The following ST7 variants were observed in gnomAD, a reference collection of about 807,000 sequenced individuals.
ST7 encodes suppression of tumorigenicity 7.
A neutral mutation model predicts 78.7 loss-of-function variants in ST7; 28 were observed. The observed-to-expected ratio is 0.36, with a 90% confidence interval of 0.26 to 0.49. The LOEUF (loss-of-function observed/expected upper bound fraction) is 0.49, where lower values mean the gene tolerates loss of function less well. ST7 is among the 20% of genes least tolerant of loss of function. ST7 has a pLI of 0.99. For missense variants in ST7, 418 were observed against 696.0 expected (o/e 0.60, Z 4.49); for synonymous variants, 247 against 249.6 (o/e 0.99, Z 0.10).
At chr7:116,999,219 C>T (rs1013759758) in intron 1 of ST7, among the ~76,000 whole-genome samples, 15 of 151,926 alleles carry the variant, frequency 9.9e-5, no homozygotes, top group Admixed American at 3.9e-4. Context: ...CTTAGGTACA[C>T]GAAATTGGAG....
At chr7:117,092,779 C>T (rs1343410524) in intron 1 of ST7, among the ~76,000 whole-genome samples, 1 of 152,176 alleles carries the variant, frequency 6.6e-6, no homozygotes, top group African/African-American at 2.4e-5. Context: ...TAGAAAAGCA[C>T]ATTTTCAGTA....
intron 3 of ST7, among the ~76,000 whole-genome samples, chr7:117,122,808 TTC>T (rs1803510304): frequency 6.6e-6 from 1 of 152,214 alleles, no homozygotes; most frequent in African/African-American, 2.4e-5. Flanking sequence ...CCATTGCTGT[TTC>T]TGTTTTTTTG....
intron 12 of ST7, among the ~76,000 whole-genome samples, chr7:117,205,207 C>CT (rs150065391): frequency 0.055 from 8,317 of 151,288 alleles, 770 homozygotes; most frequent in African/African-American, 0.19. Flanking sequence ...CTACCTATAC[C>CT]TTTTTTTGTC....
At chr7:117,154,999 T>A (rs1267454182) in intron 9 of ST7, among the ~76,000 whole-genome samples, 2 of 151,948 alleles carry the variant, frequency 1.3e-5, no homozygotes, top group African/African-American at 2.4e-5. Context: ...ACAGACAACA[T>A]CCCTACCAGC....
rs1355402565 is a variant in ST7 at position 117,190,956 on chromosome 7, A to G, written c.1254+20A>G. 10 of 1,580,642 alleles carry G rather than the reference A, an allele frequency of 6.3e-6. No homozygotes were observed. Among genetic ancestry groups the G allele is most frequent in the Admixed American group, 1.7e-5 (1 of 59,944 alleles). ...CCAAAAGTGAGTCTGTGGAATCCCCACAGGAACTCGTTATGATAGCAGAGA... is the reference window on the plus strand; with the variant it reads ...CCAAAAGTGAGTCTGTGGAATCCCCGCAGGAACTCGTTATGATAGCAGAGA... On this transcript the variant is annotated intron_variant, in intron 12 of 15. Coordinates refer to ENST00000323984, the MANE Select transcript of ST7 (RefSeq NM_001369598.1). This position sits in a 1 kb window ranked among gnomAD's most constrained non-coding sequence, Gnocchi z 5.2.
At chr7:117,036,229 T>G (rs1796890044) in intron 1 of ST7, among the ~76,000 whole-genome samples, 1 of 152,242 alleles carries the variant, frequency 6.6e-6, no homozygotes, top group African/African-American at 2.4e-5. Flanking sequence ...AACATTTCTA[T>G]TTTGTCTTTC....
intron 1 of ST7, among the ~76,000 whole-genome samples, chr7:117,009,259 T>G (rs1033776307): frequency 1.2e-4 from 2 of 17,040 alleles, no homozygotes; most frequent in African/African-American, 1.8e-4. Context: ...TTTTTTTTGT[T>G]TTTTTTTTTT....
At chr7:117,192,315 A>G (rs1809854998) in intron 12 of ST7, among the ~76,000 whole-genome samples, 1 of 152,218 alleles carries the variant, frequency 6.6e-6, no homozygotes, top group South Asian at 2.1e-4. Context: ...TTTTAGAAGT[A>G]GTATTGAGCA....
At chr7:116,985,537 G>C (rs1202846984) in intron 1 of ST7, among the ~76,000 whole-genome samples, 1 of 152,030 alleles carries the variant, frequency 6.6e-6, no homozygotes. Context: ...AGCAATTTTT[G>C]TTTTACTTTC....
Position 117,222,073 on chromosome 7 carries a change from G to T in ST7, c.1638+11G>T, listed in dbSNP as rs777823300. ...GTCTTCGCAAAAGCTGTGAGTGTTTGCCTAGAGGGAGGCCTTGGGGAATGG... is the reference window on the plus strand; with the variant it reads ...GTCTTCGCAAAAGCTGTGAGTGTTTTCCTAGAGGGAGGCCTTGGGGAATGG... On this transcript the variant is annotated intron_variant, in intron 15 of 15. Transcript: ENST00000323984. 2 of 1,600,226 alleles carry T rather than the reference G, an allele frequency of 1.2e-6. No homozygotes were observed. The highest frequency in any genetic ancestry group is 1.4e-5 in the African/African-American group (1 of 73,964).
rs892410906 is a variant in ST7, at chr7:117,190,583, C to T, written c.1152-251C>T. On this transcript the variant is annotated intron_variant, in intron 11 of 15. Transcript: ENST00000323984. This position sits in a 1 kb window ranked among gnomAD's most constrained non-coding sequence, Gnocchi z 5.2. The stretch of plus-strand genomic sequence containing the variant: ...GTACCTCGTAGAAGATTTAGATTAG[C>T]CATTTAGACAGAGACTTGACAGCCG... 2.6e-5 allele frequency among the ~76,000 whole-genome samples: 4 copies of T among 152,196 alleles called. No individual in the cohort carries two copies. Among genetic ancestry groups the T allele is most frequent in the African/African-American group, 7.2e-5 (3 of 41,454 alleles).
At chr7:117,056,362 T>C (rs1235481166) in intron 1 of ST7, among the ~76,000 whole-genome samples, 1 of 152,140 alleles carries the variant, frequency 6.6e-6, no homozygotes, top group Non-Finnish European at 1.5e-5. Context: ...AGGCCAGGCA[T>C]GGTGGCTCAT....
At chr7:117,024,954 A>G (rs139023380) in intron 1 of ST7, among the ~76,000 whole-genome samples, 86 of 152,282 alleles carry the variant, frequency 5.6e-4, no homozygotes, top group Non-Finnish European at 1.1e-3. Flanking sequence ...GTTGAAACTG[A>G]CAGCTTCTCA....
chr7:116,961,704 A>T (rs1397509529), intron 1 of ST7, among the ~76,000 whole-genome samples: 1 of 149,972 alleles, frequency 6.7e-6, no homozygotes, highest in African/African-American at 2.5e-5. Flanking sequence ...ATATCCTGAG[A>T]CTTTGCTAAA....
chr7:117,142,178 A>G (rs1336373336), intron 9 of ST7, among the ~76,000 whole-genome samples: 2 of 151,826 alleles, frequency 1.3e-5, no homozygotes, highest in African/African-American at 2.4e-5. Flanking sequence ...CCCTGGCCCT[A>G]TTTGAGTAGA....
At chr7:117,139,921 GTT>G (rs1584450850) in intron 9 of ST7, among the ~76,000 whole-genome samples, 1 of 152,172 alleles carries the variant, frequency 6.6e-6, no homozygotes, top group African/African-American at 2.4e-5. Flanking sequence ...GGAGCTGGGT[GTT>G]TTATGAAGGA....
At chr7:117,040,235 G>A (rs1442975833) in intron 1 of ST7, among the ~76,000 whole-genome samples, 2 of 152,074 alleles carry the variant, frequency 1.3e-5, no homozygotes, top group Non-Finnish European at 2.9e-5. Flanking sequence ...AGCCAGGCTT[G>A]GTGGCAGACG....
chr7:116,991,636 G>A (rs937953665), intron 1 of ST7, among the ~76,000 whole-genome samples: 1 of 152,078 alleles, frequency 6.6e-6, no homozygotes, highest in East Asian at 1.9e-4. Flanking sequence ...AGATTTGGGT[G>A]GGGACACAGA....
At chr7:117,187,727 T>C (rs1318283369) in intron 10 of ST7, 2 of 152,242 alleles carry the variant, frequency 1.3e-5, no homozygotes, top group Non-Finnish European at 2.9e-5. Flanking sequence ...CAAATAGTTA[T>C]GATCATTGTT....
Sources: allele counts gnomAD v4.1 joint callset (sites outside exome capture counted in the v4.1 genomes callset), GRCh38; gene constraint gnomAD v4.1.1; non-coding constraint Gnocchi (gnomAD v3.1); transcripts MANE v1.5; gene names NCBI Gene and HGNC (gene_info 2026-07-23, HGNC 2026-07-21).